Variants in TBL1XR1 observed in about 807,000 individuals in gnomAD.
TBL1XR1 encodes the protein TBL1X/Y related 1.
A neutral mutation model predicts 66.9 loss-of-function variants in TBL1XR1; 5 were observed. The observed-to-expected ratio is 0.07, with a 90% CI of 0.04 to 0.16. The LOEUF is 0.16. TBL1XR1 is among the 10% of genes least tolerant of loss of function. The pLI, the probability that TBL1XR1 is intolerant of heterozygous loss-of-function variation, is 1.00. For synonymous variants in TBL1XR1, 210 were observed against 206.0 expected (o/e 1.02, Z -0.17); for missense variants, 238 against 623.2 (o/e 0.38, Z 6.58).
intron 1 of TBL1XR1, among the ~76,000 whole-genome samples, chr3:177,112,776 G>A (rs181305501): frequency 0.016 from 2,409 of 152,098 alleles, 65 homozygotes; most frequent in African/African-American, 0.055. Flanking sequence ...AGGCTGAGGC[G>A]GGCGGATCAC....
At chr3:177,106,659 C>T (rs1418220236) in intron 1 of TBL1XR1, among the ~76,000 whole-genome samples, 1 of 152,148 alleles carries the variant, frequency 6.6e-6, no homozygotes, top group Non-Finnish European at 1.5e-5. Flanking sequence ...TAATCAGTGC[C>T]TAGCATAGTA....
At chr3:177,171,368 A>G (rs1353199335) in intron 1 of TBL1XR1, 1 of 151,762 alleles carries the variant, frequency 6.6e-6, no homozygotes, top group Non-Finnish European at 1.5e-5. Context: ...ATACACACAT[A>G]AAATCCATAT....
chr3:177,039,300 G>A (rs1271317148), intron 10 of TBL1XR1, among the ~76,000 whole-genome samples: 1 of 152,126 alleles, frequency 6.6e-6, no homozygotes, highest in East Asian at 1.9e-4. Flanking sequence ...TAGTACACAT[G>A]GTGAAGACCA....
chr3:177,194,452 T>C (rs1736568611), intron 1 of TBL1XR1, among the ~76,000 whole-genome samples: 1 of 152,226 alleles, frequency 6.6e-6, no homozygotes, highest in East Asian at 1.9e-4. Context: ...TTATTCTTTT[T>C]ATATAAATGA....
intron 2 of TBL1XR1, among the ~76,000 whole-genome samples, chr3:177,070,805 C>A (rs1719877247): frequency 6.6e-6 from 1 of 151,570 alleles, no homozygotes; most frequent in African/African-American, 2.4e-5. Context: ...GAGATTGCAC[C>A]ACTGCACTCC....
intron 1 of TBL1XR1, among the ~76,000 whole-genome samples, chr3:177,185,409 G>C (rs1304600225): frequency 1.3e-5 from 2 of 152,050 alleles, no homozygotes; most frequent in East Asian, 1.9e-4. Flanking sequence ...AGGATTTCAA[G>C]ACCAGCCTGG....
intron 1 of TBL1XR1, among the ~76,000 whole-genome samples, chr3:177,168,298 T>G (rs1047653366): frequency 4.3e-5 from 6 of 140,462 alleles, no homozygotes; most frequent in South Asian, 2.2e-4. Flanking sequence ...TTTTTTTTTT[T>G]GAGACGAAGT....
At chr3:177,201,341 G>A (rs939190478), upstream of TBL1XR1, among the ~76,000 whole-genome samples, 7 of 150,678 alleles carry the variant, frequency 4.6e-5, no homozygotes, top group African/African-American at 1.5e-4. Context: ...AAACCGAGAG[G>A]GGGAGGTTGC....
chr3:177,054,171 T>C (rs1014949649), intron 3 of TBL1XR1, among the ~76,000 whole-genome samples: 1 of 152,186 alleles, frequency 6.6e-6, no homozygotes, highest in South Asian at 2.1e-4. Flanking sequence ...CTTGATTATA[T>C]AGCTTCAAAT....
At chr3:177,138,289 G>A (rs1729226133) in intron 1 of TBL1XR1, among the ~76,000 whole-genome samples, 1 of 152,168 alleles carries the variant, frequency 6.6e-6, no homozygotes, top group African/African-American at 2.4e-5. Flanking sequence ...GCCAGAAAAG[G>A]AATCTCTATA....
chr3:177,156,076 C>A, intron 1 of TBL1XR1, among the ~76,000 whole-genome samples: 1 of 125,754 alleles, frequency 8.0e-6, no homozygotes, highest in Admixed American at 8.8e-5. Flanking sequence ...AATAGAAATA[C>A]AGGATAAACT....
At chr3:177,058,775 A>T (rs1560126933) in intron 3 of TBL1XR1, among the ~76,000 whole-genome samples, 2 of 152,222 alleles carry the variant, frequency 1.3e-5, no homozygotes, top group African/African-American at 4.8e-5. Context: ...GGCTAGTCCT[A>T]AAAAACATTG....
At chr3:177,185,260 T>C (rs1344081468) in intron 1 of TBL1XR1, among the ~76,000 whole-genome samples, 1 of 152,222 alleles carries the variant, frequency 6.6e-6, no homozygotes, top group Non-Finnish European at 1.5e-5. Context: ...CACATACTCA[T>C]ACACACTGTA....
chr3:177,199,074 C>A (rs868487310), upstream of TBL1XR1, among the ~76,000 whole-genome samples: 1 of 152,122 alleles, frequency 6.6e-6, no homozygotes, highest in Non-Finnish European at 1.5e-5. Flanking sequence ...AGCAGGAAAA[C>A]CATCAGAGGA....
chr3:177,113,151 A>G (rs1303588315), intron 1 of TBL1XR1, among the ~76,000 whole-genome samples: 3 of 152,222 alleles, frequency 2.0e-5, no homozygotes, highest in Non-Finnish European at 4.4e-5. Context: ...GGGGAAACAG[A>G]ATGAATATTC....
At chr3:177,103,507 A>G (rs1303224217) in intron 1 of TBL1XR1, among the ~76,000 whole-genome samples, 1 of 152,234 alleles carries the variant, frequency 6.6e-6, no homozygotes, top group African/African-American at 2.4e-5. Flanking sequence ...ATCTTCTAAG[A>G]TCTGCCACCT....
intron 1 of TBL1XR1, among the ~76,000 whole-genome samples, chr3:177,173,094 G>A (rs1369571319): frequency 3.3e-5 from 5 of 152,196 alleles, no homozygotes; most frequent in Admixed American, 1.3e-4. Context: ...GTCTGAGGCA[G>A]GAGAATCGCT....
rs1038419278 is a variant in TBL1XR1 at position 177,020,739 on chromosome 3, T to C, written c.*4759A>G. 3.3e-5 allele frequency: 5 copies of C among 152,202 alleles called. No homozygotes were observed. The highest frequency in any genetic ancestry group is 6.5e-5 in the Admixed American group (1 of 15,280). The allele number at this position is 152,202 out of a possible 1,614,324, so 9.4% of individuals were successfully genotyped here. On this transcript the variant is annotated 3_prime_UTR_variant, in exon 16 of 16. Transcript: ENST00000457928. ...ACATAGACATCAAAGGTTTTATATA[T>C]GTACACAGCCAACATAATATCAAAA... is the stretch of plus-strand genomic sequence containing the variant.
intron 2 of TBL1XR1, among the ~76,000 whole-genome samples, chr3:177,077,936 G>A (rs1430482923): frequency 1.3e-5 from 2 of 152,120 alleles, no homozygotes; most frequent in Non-Finnish European, 2.9e-5. Context: ...TTGACATTAA[G>A]GCATTACATC....
Sources: allele counts gnomAD v4.1 joint callset (sites outside exome capture counted in the v4.1 genomes callset), GRCh38; gene constraint gnomAD v4.1.1; transcripts MANE v1.5; gene names NCBI Gene and HGNC (gene_info 2026-07-23, HGNC 2026-07-21).